Variants in CD163L1 observed in about 807,000 individuals in gnomAD.
CD163L1 encodes the protein CD163 molecule like 1.
Under a neutral mutation model 165.4 loss-of-function variants are expected in CD163L1, and 124 were observed. That is an observed-to-expected ratio of 0.75 (90% confidence interval 0.65 to 0.87). The LOEUF is 0.87. Ranked by LOEUF, CD163L1 falls within the 40% of genes least tolerant of loss-of-function variation. The pLI is 0.00. For missense variants in CD163L1, 1,525 were observed against 1,799.9 expected (o/e 0.85, Z 2.76); for synonymous variants, 585 against 662.2 (o/e 0.88, Z 1.79).
At chr12:7,320,509 G>A in the CD163L1 span, among the ~76,000 whole-genome samples, 595 of 152,314 alleles carry the variant, frequency 3.9e-3, 7 homozygotes, top group African/African-American at 0.014. Context: ...GTCTGTTACT[G>A]TAATATTAAT....
Position 7,421,471 on chromosome 12 carries a change from A to ACATATATGTACATATATACATATATG in CD163L1, c.766+10944_766+10945insCATATATGTATATATGTACATATATG, listed in dbSNP as rs1565810036. On this transcript the variant is annotated intron_variant, in intron 4 of 19. Coordinates refer to ENST00000313599, the MANE Select transcript of CD163L1 (RefSeq NM_174941.6). ...CATATATGTACATATATACATATAT[A>ACATATATGTACATATATACATATATG]TACATATATGTACATATATACATAT... is the stretch of plus-strand genomic sequence containing the variant. 1.6e-5 allele frequency among the ~76,000 whole-genome samples: 2 copies of ACATATATGTACATATATACATATATG among 124,250 alleles called. 1 individual carries two copies. Among genetic ancestry groups the ACATATATGTACATATATACATATATG allele is most frequent in the African/African-American group, 7.1e-5 (2 of 28,116 alleles). The allele number at this position is 124,250 out of a possible 152,430, so 81.5% of individuals were successfully genotyped here.
rs1336088991 is a variant in CD163L1, at chr12:7,421,443, A to G, written c.766+10973T>C. Among the ~76,000 whole-genome samples the G allele has an allele frequency of 6.5e-5, 8 of 122,898 alleles. 1 individual carries two copies. Among genetic ancestry groups the G allele is most frequent in the African/African-American group, 2.7e-4 (8 of 30,038 alleles). 80.6% of individuals were successfully genotyped at this position (122,898 alleles called of 152,430 possible). ...TATACATATATGTACATATATACAT[A>G]TACATATATGTACATATATACATAT... On this transcript the variant is annotated intron_variant, in intron 4 of 19. Coordinates refer to ENST00000313599, the MANE Select transcript of CD163L1 (RefSeq NM_174941.6).
At chr12:7,383,984 G>A (rs59750086) in intron 8 of CD163L1, among the ~76,000 whole-genome samples, 133 of 152,176 alleles carry the variant, frequency 8.7e-4, no homozygotes, top group African/African-American at 3.0e-3. Context: ...GAAAATGGAT[G>A]AACTGCCTGA....
chr12:7,364,800 A>G (rs1400440787), intron 18 of CD163L1, among the ~76,000 whole-genome samples: 1 of 152,164 alleles, frequency 6.6e-6, no homozygotes, highest in East Asian at 1.9e-4. Context: ...ACAAAAAAAA[A>G]GAAGTATATT....
chr12:7,409,563 T>C (rs1212547372), intron 4 of CD163L1, among the ~76,000 whole-genome samples: 1 of 152,180 alleles, frequency 6.6e-6, no homozygotes, highest in Non-Finnish European at 1.5e-5. Context: ...AGCCCTGATC[T>C]GAGAGGAGGT....
At chr12:7,389,327 T>C (rs1339028570) in intron 8 of CD163L1, among the ~76,000 whole-genome samples, 2 of 152,194 alleles carry the variant, frequency 1.3e-5, no homozygotes, top group African/African-American at 4.8e-5. Context: ...TCTCATTGTA[T>C]TTTTGATTTG....
At chr12:7,389,895 T>C (rs932829422) in intron 8 of CD163L1, among the ~76,000 whole-genome samples, 5 of 149,230 alleles carry the variant, frequency 3.4e-5, no homozygotes, top group African/African-American at 7.4e-5. Flanking sequence ...ATAGCCATGA[T>C]ATGAAATCAA....
rs1360367886 is a variant in CD163L1, at chr12:7,379,135, CCT to C, written c.2212_2213del (p.Arg738GlyfsTer63). The C allele has an allele frequency of 3.7e-6, 6 of 1,613,984 alleles. No individual in the cohort carries two copies. The highest frequency in any genetic ancestry group is 4.2e-6 in the Non-Finnish European group (5 of 1,180,016). ...CRQLECGSAI[R>X]VSREPHFTER... ...CTGTGAAATGAGGCTCTCTGGAGAC[CCT>C]GATTGCAGACCCACATTCAAGTTGC... On this transcript the variant is annotated frameshift_variant, in exon 9 of 20. Coordinates refer to ENST00000313599, the MANE Select transcript of CD163L1 (RefSeq NM_174941.6). LOFTEE classifies it high-confidence loss of function.
At position 7,374,475 on chromosome 12, in the gene CD163L1, T is replaced by C; in HGVS notation, c.3376A>G (p.Arg1126Gly). ...PSRGWGQHDC[R>G]HKEDAGVICS... ...ATGACCCCTGCGTCCTCCTTGTGCC[T>C]GCAGTCGTGCTGCCCCCAGCCGCGG... Residue 1126 changes from arginine (R) to glycine (G), a missense_variant, in exon 13 of 20, where the codon AGG (arginine) becomes GGG (glycine). Physicochemically the swap from Arg to Gly is moderately radical, Grantham distance 125. Coordinates refer to ENST00000313599, the MANE Select transcript of CD163L1 (RefSeq NM_174941.6). This position sits in a 1 kb window ranked among gnomAD's most constrained non-coding sequence, Gnocchi z 5.4. 2 of 1,614,006 alleles carry C rather than the reference T, an allele frequency of 1.2e-6. No individual in the cohort carries two copies. The highest frequency in any genetic ancestry group is 1.3e-5 in the African/African-American group (1 of 75,066).
intron 4 of CD163L1, among the ~76,000 whole-genome samples, chr12:7,414,748 CT>C (rs1485203726): frequency 6.6e-6 from 1 of 151,990 alleles, no homozygotes; most frequent in Non-Finnish European, 1.5e-5. Flanking sequence ...TCCCATAGAG[CT>C]ATCAATGAAT....
intron 5 of CD163L1, among the ~76,000 whole-genome samples, chr12:7,405,714 A>G (rs942455037): frequency 6.6e-6 from 1 of 152,186 alleles, no homozygotes; most frequent in Non-Finnish European, 1.5e-5. Context: ...CATCCTGTGT[A>G]AGGCTGGTAA....
At chr12:7,380,342 CAT>C (rs1399037820) in intron 8 of CD163L1, among the ~76,000 whole-genome samples, 135 of 146,064 alleles carry the variant, frequency 9.2e-4, no homozygotes, top group Middle Eastern at 3.4e-3. Context: ...TACACGTATA[CAT>C]ACATGTATGT....
intron 8 of CD163L1, among the ~76,000 whole-genome samples, chr12:7,389,960 T>TTATATATATATATATATATATTTATATA (rs1555197840): frequency 7.4e-6 from 1 of 135,964 alleles, no homozygotes; most frequent in African/African-American, 2.8e-5. Context: ...ATATATATAT[T>TTATATATATATATATATATATTTATATA]TATATATATA....
At chr12:7,323,360 G>A in the CD163L1 span, 23 of 1,594,674 alleles carry the variant, frequency 1.4e-5, no homozygotes, top group Middle Eastern at 1.7e-4. Flanking sequence ...GAGAGAGAAC[G>A]TTTTCCTTTT....
chr12:7,367,297 A>T lies in CD163L1; in HGVS notation c.4218T>A (p.Asn1406Lys), dbSNP rs1408076433. The change falls in exon 18 of 20, where the codon AAT becomes AAA. Residue 1406 changes from asparagine (N) to lysine (K), a missense_variant. Coordinates refer to ENST00000313599, the MANE Select transcript of CD163L1 (RefSeq NM_174941.6). ...GGCAGGTCTCCATCTCATGGAATAA[A>T]TTCTCCTCGAGAGAACCCCTCCTTC... ...STRRRGSLEE[N>K]LFHEMETCLK... The T allele has an allele frequency of 6.2e-7, 1 of 1,613,424 alleles. No homozygotes were observed.
chr12:7,322,451 C>T, the CD163L1 span: 151 of 1,613,766 alleles, frequency 9.4e-5, no homozygotes, highest in South Asian at 1.2e-4. Context: ...ACTGCTTGAC[C>T]GGAGGGGAGC....
chr12:7,423,052 A>G (rs1948468801), intron 4 of CD163L1, among the ~76,000 whole-genome samples: 1 of 152,110 alleles, frequency 6.6e-6, no homozygotes, highest in Admixed American at 6.6e-5. Flanking sequence ...CATAGCACTT[A>G]TTCTAAGCTC....
At chr12:7,375,050 A>G in intron 11 of CD163L1, 127 bp from the exon 12 acceptor site, 1 of 939,672 alleles carries the variant, frequency 1.1e-6, no homozygotes, top group Non-Finnish European at 1.6e-6. Flanking sequence ...GTCTATTGAA[A>G]TCATTTTTAT....
the CD163L1 span, among the ~76,000 whole-genome samples, chr12:7,337,192 G>T: frequency 1.3e-5 from 2 of 152,172 alleles, no homozygotes; most frequent in Non-Finnish European, 2.9e-5. Context: ...AGACTTAAAT[G>T]TAAGACCTAA....
Sources: gnomAD v4.1 joint callset for allele counts (sites outside exome capture counted in the v4.1 genomes callset) on GRCh38, gnomAD v4.1.1 for gene constraint, Gnocchi (gnomAD v3.1) non-coding constraint, MANE v1.5 for transcripts, NCBI Gene and HGNC (gene_info 2026-07-23, HGNC 2026-07-21) for gene names.